The following PLXNA4 variants were observed in gnomAD, a reference collection of about 807,000 sequenced individuals.
PLXNA4 encodes the protein plexin-A4.
Under a neutral mutation model 191.8 loss-of-function variants are expected in PLXNA4, and 44 were observed. The observed-to-expected ratio is 0.23, with a 90% CI of 0.18 to 0.29. PLXNA4 has a LOEUF of 0.29. Among genes scored for constraint, PLXNA4 ranks in the 10% least tolerant of loss-of-function variants. The pLI is 1.00. For missense variants in PLXNA4, 1,800 were observed against 2,488.8 expected, an observed-to-expected ratio of 0.72 and a Z score of 5.89; for synonymous variants, 1,082 against 1,009.5, an observed-to-expected ratio of 1.07 and a Z score of -1.36.
intron 3 of PLXNA4, among the ~76,000 whole-genome samples, chr7:132,393,082 C>T (rs1470082495): frequency 6.6e-6 from 1 of 152,042 alleles, no homozygotes; most frequent in Non-Finnish European, 1.5e-5. Flanking sequence ...CAGTTTCCTC[C>T]TCCGAATTTT....
At chr7:132,203,232 G>T in intron 11 of PLXNA4, 91 bp downstream of exon 11, 1 of 1,208,378 alleles carries the variant, frequency 8.3e-7, no homozygotes. Flanking sequence ...GGCGGGGGCA[G>T]AATGACTCCC....
At chr7:132,562,196 CCTCCTCCTT>C (rs1801196845) in intron 1 of PLXNA4, among the ~76,000 whole-genome samples, 1 of 131,488 alleles carries the variant, frequency 7.6e-6, no homozygotes, top group Non-Finnish European at 1.6e-5. Context: ...TCCTTCTCCT[CCTCCTCCTT>C]CTCCTCCTCC....
At chr7:132,229,601 G>A (rs1029859215) in intron 5 of PLXNA4, among the ~76,000 whole-genome samples, 1 of 152,158 alleles carries the variant, frequency 6.6e-6, no homozygotes, top group African/African-American at 2.4e-5. Flanking sequence ...CTCCAGAGTT[G>A]CTGATCTCTT....
At chr7:132,440,942 C>G (rs1795677160) in intron 3 of PLXNA4, among the ~76,000 whole-genome samples, 1 of 152,196 alleles carries the variant, frequency 6.6e-6, no homozygotes, top group Non-Finnish European at 1.5e-5. Context: ...GGCCGCTATG[C>G]ACTTATTTTT....
chr7:132,221,822 G>A (rs930820363), intron 9 of PLXNA4, among the ~76,000 whole-genome samples: 2 of 152,174 alleles, frequency 1.3e-5, no homozygotes, highest in Non-Finnish European at 2.9e-5. Flanking sequence ...CAGAGAGGGA[G>A]TTGGTTTTGT....
chr7:132,178,993 G>A (rs1371445208), intron 20 of PLXNA4, among the ~76,000 whole-genome samples: 2 of 137,206 alleles, frequency 1.5e-5, no homozygotes, highest in Non-Finnish European at 3.0e-5. Context: ...TGGCCTGCTT[G>A]CTTGTAAATG....
At chr7:132,200,833 C>T in intron 12 of PLXNA4, among the ~76,000 whole-genome samples, 1 of 152,236 alleles carries the variant, frequency 6.6e-6, no homozygotes, top group East Asian at 1.9e-4. Flanking sequence ...GATTCAGGAC[C>T]ATGTTACTGA....
Position 132,198,626 on chromosome 7 carries a change from A to T in PLXNA4, c.2597T>A (p.Val866Glu), listed in dbSNP as rs770906895. ...GGTGCCCCCTTCCCGGGGGCCTGTC[A>T]CCGGGATTATCTGGAGGGAGGAAGA... ...TNPRITEIIPVTGPREGGTKV... is the reference protein window; with the variant it reads ...TNPRITEIIPETGPREGGTKV... Residue 866 changes from valine (V) to glutamate (E), a missense_variant, in exon 13 of 32, where the codon GTG becomes GAG. Physicochemically the swap from Val to Glu is moderately radical, Grantham distance 121. Coordinates refer to ENST00000321063, the MANE Select transcript of PLXNA4 (RefSeq NM_020911.2). The T allele has an allele frequency of 1.2e-6, 2 of 1,614,086 alleles. No individual in the cohort carries two copies. The highest frequency in any genetic ancestry group is 2.2e-5 in the South Asian group (2 of 91,082).
chr7:132,489,364 C>T lies in PLXNA4; in HGVS notation c.1299G>A (p.Thr433=), dbSNP rs772611553. 1.6e-5 allele frequency: 25 copies of T among 1,606,698 alleles called. No homozygotes were observed. The Middle Eastern group carries it at 6.6e-4, about 43-fold the overall frequency. The change falls in exon 3 of 32, where the codon ACG becomes ACA. Residue 433 remains threonine (T), a synonymous_variant. Coordinates refer to ENST00000321063, the MANE Select transcript of PLXNA4 (RefSeq NM_020911.2). The part of the protein sequence containing the change: ...PVFTEDRDRM[T]SVIAYVYKNH... ...TCTTGTAGACATATGCGATGACAGA[C>T]GTCATGCGGTCCCTGTCCTCCGTGA...
intron 9 of PLXNA4, among the ~76,000 whole-genome samples, chr7:132,220,073 T>C (rs1220200076): frequency 6.6e-6 from 1 of 152,150 alleles, no homozygotes; most frequent in African/African-American, 2.4e-5. Context: ...CTAAAATAAG[T>C]ACATATAGAA....
rs1266617127 is a variant in PLXNA4, at chr7:132,203,356, G to A, written c.2362C>T (p.His788Tyr). ...TGAGCTGGGTTGTCAATGTTGAAGT[G>A]CCCATTCCACACGACTGTCAACTCC... ...PVELTVVWNG[H>Y]FNIDNPAQNK... The change falls in exon 11 of 32, where the codon CAC becomes TAC. Residue 788 changes from histidine (H) to tyrosine (Y), a missense_variant. His to Tyr is a moderately conservative substitution (Grantham distance 83). Transcript: ENST00000321063. 6.2e-7 allele frequency: 1 copy of A among 1,613,994 alleles called. No homozygotes were observed. Among genetic ancestry groups the A allele is most frequent in the African/African-American group, 1.3e-5 (1 of 75,006 alleles).
At chr7:132,270,708 T>C (rs572896851) in intron 4 of PLXNA4, among the ~76,000 whole-genome samples, 14 of 152,316 alleles carry the variant, frequency 9.2e-5, no homozygotes, top group South Asian at 8.3e-4. Flanking sequence ...TCATTTACAA[T>C]GCGGAGGAGC....
intron 25 of PLXNA4, among the ~76,000 whole-genome samples, chr7:132,155,914 C>T (rs998612794): frequency 1.3e-5 from 2 of 151,958 alleles, no homozygotes; most frequent in Admixed American, 1.3e-4. Flanking sequence ...GTAGGTGGGC[C>T]CCATCCAATC....
At chr7:132,338,879 T>G (rs898526655) in intron 3 of PLXNA4, among the ~76,000 whole-genome samples, 2 of 152,170 alleles carry the variant, frequency 1.3e-5, no homozygotes, top group African/African-American at 4.8e-5. Flanking sequence ...AAGACAAATT[T>G]CTGGGCTGCA....
At chr7:132,242,120 C>T (rs898980874) in intron 4 of PLXNA4, among the ~76,000 whole-genome samples, 4 of 150,658 alleles carry the variant, frequency 2.7e-5, no homozygotes, top group Admixed American at 6.6e-5. Flanking sequence ...CTTTATTCTC[C>T]GTTTTGCCGG....
At chr7:132,523,781 G>A (rs1301685832) in intron 1 of PLXNA4, among the ~76,000 whole-genome samples, 4 of 152,152 alleles carry the variant, frequency 2.6e-5, no homozygotes, top group Non-Finnish European at 4.4e-5. Context: ...GGAAACAAGG[G>A]GGGCGGAAGA....
intron 3 of PLXNA4, among the ~76,000 whole-genome samples, chr7:132,400,444 C>T (rs913879085): frequency 6.6e-6 from 1 of 152,134 alleles, no homozygotes; most frequent in African/African-American, 2.4e-5. Context: ...GCCTCAAATT[C>T]CATATGTTTG....
intron 3 of PLXNA4, among the ~76,000 whole-genome samples, chr7:132,467,316 C>T (rs1796744857): frequency 6.6e-6 from 1 of 152,134 alleles, no homozygotes; most frequent in South Asian, 2.1e-4. Flanking sequence ...CGTCACAGTC[C>T]CTCACAGCCA....
intron 30 of PLXNA4, among the ~76,000 whole-genome samples, chr7:132,136,390 G>A (rs1405023581): frequency 1.3e-5 from 2 of 152,212 alleles, no homozygotes; most frequent in African/African-American, 4.8e-5. Context: ...GCCTTCAGGT[G>A]AGCCCATCTC....
Sources: gnomAD v4.1 joint callset for allele counts (sites outside exome capture counted in the v4.1 genomes callset) on GRCh38, gnomAD v4.1.1 for gene constraint, MANE v1.5 for transcripts, NCBI Gene and HGNC (gene_info 2026-07-23, HGNC 2026-07-21) for gene names.